CHST8: variants seen among roughly 807,000 people sequenced by gnomAD.
CHST8 encodes the protein GALNAC-4-ST1.
CHST8 carries 10 observed loss-of-function variants against 15.0 expected under a neutral mutation model. That is an observed-to-expected ratio of 0.67 (90% CI 0.41 to 1.13). The LOEUF is 1.13. Among genes scored for constraint, CHST8 ranks in the 50% most tolerant of loss-of-function variants. CHST8 has a pLI of 0.00. For missense variants in CHST8, 634 were observed against 608.2 expected, an observed-to-expected ratio of 1.04 and a Z score of -0.45; for synonymous variants, 259 against 256.6, an observed-to-expected ratio of 1.01 and a Z score of -0.09.
At chr19:33,736,397 C>G (rs547393479) in intron 3 of CHST8, among the ~76,000 whole-genome samples, 1 of 152,196 alleles carries the variant, frequency 6.6e-6, no homozygotes, top group African/African-American at 2.4e-5. Context: ...GCCTGCCTCC[C>G]TGTGGATGAT....
At chr19:33,771,336 C>A in intron 3 of CHST8, 77 bp from the exon 4 acceptor site, 1 of 1,436,958 alleles carries the variant, frequency 7.0e-7, no homozygotes, top group Non-Finnish European at 9.8e-7. Context: ...TGTCCACAGC[C>A]AGCAGCCCAT....
At chr19:33,630,169 C>G (rs1425946934) in intron 1 of CHST8, among the ~76,000 whole-genome samples, 1 of 152,230 alleles carries the variant, frequency 6.6e-6, no homozygotes, top group East Asian at 1.9e-4. Context: ...CGCATCCAGG[C>G]ACCCAGCAAA....
intron 3 of CHST8, among the ~76,000 whole-genome samples, chr19:33,757,075 G>T (rs1304724158): frequency 2.0e-5 from 3 of 152,274 alleles, no homozygotes; most frequent in East Asian, 3.9e-4. Context: ...GCTACAGGGT[G>T]CTGGGCTGGG....
chr19:33,710,615 A>G (rs1973530124), intron 3 of CHST8, among the ~76,000 whole-genome samples: 1 of 152,124 alleles, frequency 6.6e-6, no homozygotes, highest in Non-Finnish European at 1.5e-5. Flanking sequence ...CTGCTGATCT[A>G]TTGGTTCTAC....
intron 2 of CHST8, among the ~76,000 whole-genome samples, chr19:33,670,005 T>A (rs1972716137): frequency 6.6e-6 from 1 of 152,156 alleles, no homozygotes; most frequent in Non-Finnish European, 1.5e-5. Context: ...AATGCCGAAT[T>A]CAAGACAAGG....
intron 3 of CHST8, among the ~76,000 whole-genome samples, chr19:33,748,920 G>A (rs910188510): frequency 6.6e-6 from 1 of 152,132 alleles, no homozygotes; most frequent in East Asian, 1.9e-4. Context: ...AGGACCGAAG[G>A]CTCACTCGGA....
rs542067127 is a variant in CHST8, at chr19:33,658,333, C to T, written c.-163-9434C>T. Among the ~76,000 whole-genome samples, 6 of 152,192 alleles carry T rather than the reference C, an allele frequency of 3.9e-5. 1 individual carries two copies. In the South Asian group the frequency reaches 1.2e-3, roughly 32 times the overall value. ...CCAGCCTGGGTGACAGAGTGAAACT[C>T]CGTCCCAAAAAAACCCATATTTACA... On this transcript the variant is annotated intron_variant, in intron 1 of 4. Transcript: ENST00000650847.
At chr19:33,633,859 C>G (rs555293621) in intron 1 of CHST8, among the ~76,000 whole-genome samples, 1 of 150,374 alleles carries the variant, frequency 6.7e-6, no homozygotes, top group Non-Finnish European at 1.5e-5. Flanking sequence ...AGGGTAGTGA[C>G]GTGATCATGG....
intron 3 of CHST8, among the ~76,000 whole-genome samples, chr19:33,726,209 A>G (rs544157849): frequency 6.6e-6 from 1 of 152,244 alleles, no homozygotes; most frequent in South Asian, 2.1e-4. Context: ...AGGGCCAGCC[A>G]GTCACATACC....
intron 1 of CHST8, among the ~76,000 whole-genome samples, chr19:33,656,443 G>A (rs553663023): frequency 1.3e-5 from 2 of 152,314 alleles, no homozygotes; most frequent in South Asian, 4.1e-4. Flanking sequence ...CAGTGTGAGA[G>A]CATTGTGGTC....
At chr19:33,641,805 G>A (rs920749546) in intron 1 of CHST8, among the ~76,000 whole-genome samples, 2 of 152,264 alleles carry the variant, frequency 1.3e-5, no homozygotes, top group South Asian at 2.1e-4. Context: ...CGCTGTCATC[G>A]CAGAAAGGGA....
chr19:33,688,535 C>G (rs1973030415), intron 2 of CHST8, among the ~76,000 whole-genome samples: 1 of 152,182 alleles, frequency 6.6e-6, no homozygotes, highest in Admixed American at 6.5e-5. Flanking sequence ...AGAGCCTCAG[C>G]TCCCTCTGGT....
intron 3 of CHST8, among the ~76,000 whole-genome samples, chr19:33,736,566 G>A (rs537584936): frequency 1.3e-4 from 20 of 152,260 alleles, no homozygotes; most frequent in South Asian, 2.1e-4. Context: ...CCAGGCCAAC[G>A]GGGGTGACTA....
chr19:33,654,631 G>C (rs1427517936), intron 1 of CHST8, among the ~76,000 whole-genome samples: 2 of 151,928 alleles, frequency 1.3e-5, no homozygotes, highest in South Asian at 2.1e-4. Context: ...CACAGCCATG[G>C]TTCAGGCTTG....
intron 1 of CHST8, among the ~76,000 whole-genome samples, chr19:33,646,390 G>C (rs1263665224): frequency 6.6e-6 from 1 of 152,128 alleles, no homozygotes; most frequent in Admixed American, 6.5e-5. Context: ...TCTTGGTATG[G>C]GTTACTGGTT....
intron 3 of CHST8, among the ~76,000 whole-genome samples, chr19:33,718,112 C>G (rs763072968): frequency 6.6e-6 from 1 of 152,198 alleles, no homozygotes; most frequent in Non-Finnish European, 1.5e-5. Context: ...CTCCTCCCAG[C>G]TTGGAGTCCA....
intron 3 of CHST8, among the ~76,000 whole-genome samples, chr19:33,702,285 C>T (rs978684414): frequency 5.9e-5 from 9 of 152,144 alleles, no homozygotes; most frequent in African/African-American, 2.2e-4. Flanking sequence ...CACACCCGGC[C>T]TATGTTTTGT....
intron 2 of CHST8, among the ~76,000 whole-genome samples, chr19:33,676,781 G>A (rs955502114): frequency 3.3e-5 from 5 of 151,894 alleles, no homozygotes; most frequent in Non-Finnish European, 7.4e-5. Context: ...GGAGGCTGAG[G>A]CAGGAGGACC....
intron 2 of CHST8, among the ~76,000 whole-genome samples, chr19:33,674,759 G>C (rs1480968125): frequency 1.3e-5 from 2 of 152,186 alleles, no homozygotes; most frequent in Non-Finnish European, 2.9e-5. Context: ...AGGCTGCGTA[G>C]AGAAGGGAGC....
Sources: allele counts gnomAD v4.1 joint callset (sites outside exome capture counted in the v4.1 genomes callset), GRCh38; gene constraint gnomAD v4.1.1; transcripts MANE v1.5; gene names NCBI Gene and HGNC (gene_info 2026-07-23, HGNC 2026-07-21).